The following B3GALT1 variants were observed in gnomAD, a reference collection of about 807,000 sequenced individuals.
B3GALT1 encodes the protein beta-1,3-galactosyltransferase 1, also known as UDP-Gal:betaGlcNAc beta 1,3-galactosyltransferase, polypeptide 1.
In B3GALT1, 10 loss-of-function variants were observed where a neutral mutation model predicts 23.2. The ratio of observed to expected loss-of-function variants is 0.43; its 90% CI spans 0.27 to 0.73. The LOEUF is 0.73. B3GALT1 is among the 30% of genes least tolerant of loss of function. The probability of loss-of-function intolerance (pLI) is 0.21; values close to 1 mark genes in which losing one functional copy is unlikely to be tolerated. For synonymous variants in B3GALT1, 156 were observed against 141.5 expected (o/e 1.10, Z -0.73); for missense variants, 299 against 405.4 (o/e 0.74, Z 2.25).
At chr2:167,656,538 T>G (rs1475188296) in intron 3 of B3GALT1, among the ~76,000 whole-genome samples, 2 of 152,162 alleles carry the variant, frequency 1.3e-5, no homozygotes, top group South Asian at 2.1e-4. Flanking sequence ...AATCTAAATT[T>G]AAACCACTAT....
intron 1 of B3GALT1, among the ~76,000 whole-genome samples, chr2:167,297,501 C>T (rs1696370199): frequency 6.6e-6 from 1 of 151,694 alleles, no homozygotes; most frequent in Non-Finnish European, 1.5e-5. Context: ...GCTGAAACAA[C>T]AATTTTCAAG....
chr2:167,675,423 T>C (rs555541185), intron 3 of B3GALT1, among the ~76,000 whole-genome samples: 1 of 152,304 alleles, frequency 6.6e-6, no homozygotes, highest in East Asian at 1.9e-4. Context: ...TAGAGTGACC[T>C]ACATGCAATC....
At chr2:167,751,976 T>C (rs1370979503) in intron 3 of B3GALT1, among the ~76,000 whole-genome samples, 2 of 152,190 alleles carry the variant, frequency 1.3e-5, no homozygotes, top group Non-Finnish European at 2.9e-5. Context: ...ACTTTTTCTT[T>C]ATAAAGTCTC....
At chr2:167,535,975 G>A (rs908230514) in intron 2 of B3GALT1, among the ~76,000 whole-genome samples, 9 of 152,130 alleles carry the variant, frequency 5.9e-5, no homozygotes, top group Admixed American at 4.6e-4. Flanking sequence ...GCAGGCTGGA[G>A]TGCAGTGGCG....
intron 1 of B3GALT1, among the ~76,000 whole-genome samples, chr2:167,441,392 A>G (rs11891804): frequency 6.6e-6 from 1 of 152,144 alleles, no homozygotes; most frequent in Non-Finnish European, 1.5e-5. Context: ...GCCCACTGAT[A>G]GCCCACCCTT....
intron 1 of B3GALT1, among the ~76,000 whole-genome samples, chr2:167,386,704 T>C (rs1242597835): frequency 6.6e-6 from 1 of 152,230 alleles, no homozygotes; most frequent in Non-Finnish European, 1.5e-5. Flanking sequence ...GACATGCAAA[T>C]TCAGCTTTCC....
chr2:167,467,820 A>G (rs1431970289), intron 1 of B3GALT1, among the ~76,000 whole-genome samples: 1 of 152,222 alleles, frequency 6.6e-6, no homozygotes, highest in Non-Finnish European at 1.5e-5. Context: ...TAATGTATTC[A>G]TTGATTCATT....
intron 2 of B3GALT1, among the ~76,000 whole-genome samples, chr2:167,613,133 A>G (rs180982266): frequency 2.0e-5 from 3 of 152,092 alleles, no homozygotes; most frequent in Admixed American, 2.0e-4. Flanking sequence ...CACACTTTAC[A>G]AAGTCTTATA....
chr2:167,554,028 T>C (rs887261074), intron 2 of B3GALT1, among the ~76,000 whole-genome samples: 5 of 151,050 alleles, frequency 3.3e-5, no homozygotes, highest in African/African-American at 1.2e-4. Context: ...CTCCTGGGGA[T>C]CTGCGTTTAT....
At chr2:167,340,812 A>G (rs1338628662) in intron 1 of B3GALT1, among the ~76,000 whole-genome samples, 1 of 152,216 alleles carries the variant, frequency 6.6e-6, no homozygotes, top group Non-Finnish European at 1.5e-5. Flanking sequence ...GTTAGCAGAT[A>G]TGGAGAAAGA....
intron 2 of B3GALT1, among the ~76,000 whole-genome samples, chr2:167,600,085 A>G (rs1488031361): frequency 1.3e-5 from 2 of 152,174 alleles, no homozygotes; most frequent in Non-Finnish European, 2.9e-5. Context: ...TTCTTTTCTG[A>G]TGGAGACAGC....
chr2:167,761,742 T>G (rs948199636), intron 3 of B3GALT1, among the ~76,000 whole-genome samples: 1 of 152,310 alleles, frequency 6.6e-6, no homozygotes, highest in South Asian at 2.1e-4. Context: ...CGTGTAGAAA[T>G]AGAGATAAGA....
chr2:167,425,538 G>T (rs909997592), intron 1 of B3GALT1, among the ~76,000 whole-genome samples: 3 of 152,206 alleles, frequency 2.0e-5, no homozygotes, highest in Non-Finnish European at 2.9e-5. Flanking sequence ...TACATCTCCA[G>T]ATGCTATGTA....
At chr2:167,675,555 G>C (rs950349874) in intron 3 of B3GALT1, among the ~76,000 whole-genome samples, 4 of 152,140 alleles carry the variant, frequency 2.6e-5, no homozygotes, top group African/African-American at 9.7e-5. Flanking sequence ...CAGCTACACA[G>C]GCAGACTGAT....
intron 2 of B3GALT1, among the ~76,000 whole-genome samples, chr2:167,559,415 G>C (rs1683923697): frequency 6.6e-6 from 1 of 152,226 alleles, no homozygotes; most frequent in Admixed American, 6.5e-5. Flanking sequence ...TCCTCCAAAG[G>C]AACGCAATTC....
In B3GALT1 at chr2:167,450,922, A is replaced by T. The variant is rs1271047280; in HGVS notation, c.-510-39255A>T. Among the ~76,000 whole-genome samples the T allele has an allele frequency of 5.3e-5, 8 of 151,918 alleles. No homozygotes were observed. The South Asian group carries it at 1.7e-3, about 32-fold the overall frequency. On this transcript the variant is annotated intron_variant, in intron 1 of 4. Coordinates refer to ENST00000392690, the MANE Select transcript of B3GALT1 (RefSeq NM_020981.4). ...CTTTTTTCTTTGTCTTCGTTGGATT[A>T]TGTTAATTCGGAAACTTTGTCTTTG...
intron 1 of B3GALT1, among the ~76,000 whole-genome samples, chr2:167,379,630 T>C (rs186880678): frequency 9.6e-4 from 146 of 152,260 alleles, no homozygotes; most frequent in African/African-American, 3.4e-3. Context: ...TGTATTTGAT[T>C]CTTGTTTACT....
chr2:167,851,028 T>A (rs1259025642), intron 4 of B3GALT1, among the ~76,000 whole-genome samples: 1 of 152,182 alleles, frequency 6.6e-6, no homozygotes, highest in Non-Finnish European at 1.5e-5. Flanking sequence ...GCAAATTATC[T>A]ACATCTACTT....
At chr2:167,606,702 G>A (rs1361528708) in intron 2 of B3GALT1, among the ~76,000 whole-genome samples, 1 of 152,144 alleles carries the variant, frequency 6.6e-6, no homozygotes, top group Admixed American at 6.6e-5. Flanking sequence ...GAGAAGAAAA[G>A]ATTGGGGCAA....
Sources: allele counts gnomAD v4.1 joint callset (sites outside exome capture counted in the v4.1 genomes callset), GRCh38; gene constraint gnomAD v4.1.1; transcripts MANE v1.5; gene names NCBI Gene and HGNC (gene_info 2026-07-23, HGNC 2026-07-21).